The following SMARCB1 variants were observed in gnomAD, a reference collection of about 807,000 sequenced individuals.
The protein encoded by SMARCB1 is SWI/SNF-related matrix-associated actin-dependent regulator of chromatin subfamily B member 1.
SMARCB1 carries 5 observed loss-of-function variants against 49.0 expected under a neutral mutation model. The observed-to-expected ratio is 0.10, with a 90% CI of 0.05 to 0.21. SMARCB1 has a LOEUF of 0.21. SMARCB1 is among the 10% of genes least tolerant of loss of function. The pLI is 1.00. For missense variants in SMARCB1, 226 were observed against 509.2 expected (o/e 0.44, Z 5.35); for synonymous variants, 201 against 200.1 (o/e 1.00, Z -0.04).
rs58056758 is a variant in SMARCB1 at position 23,822,957 on chromosome 22, C to CTTTTTTTTTTTT, written c.796-2238_796-2227dup. Among the ~76,000 whole-genome samples the CTTTTTTTTTTTT allele has an allele frequency of 2.7e-5, 2 of 72,764 alleles. 1 individual carries two copies. Among genetic ancestry groups the CTTTTTTTTTTTT allele is most frequent in the Non-Finnish European group, 5.4e-5 (2 of 37,374 alleles). The allele number at this position is 72,764 out of a possible 152,430, so 47.7% of individuals were successfully genotyped here. ...TCTGTCAGTGCCCCCACCAGCATAG[C>CTTTTTTTTTTTT]TTTTTTTTTTTTTTTTTTTTTTTTT... On this transcript the variant is annotated intron_variant, in intron 6 of 8. Transcript: ENST00000644036.
Position 23,836,968 on chromosome 22 carries a change from G to A in SMARCB1, c.*2788G>A, listed in dbSNP as rs778382348. On this transcript the variant is annotated 3_prime_UTR_variant, in exon 9 of 9. Transcript: ENST00000644036. ...GGGCATCCAGGAGCAGCTTTCTGTG[G>A]GGAGGGGCCCGTGTTGAGCACAGGC... The A allele has an allele frequency of 1.2e-6, 2 of 1,601,594 alleles. No individual in the cohort carries two copies. The highest frequency in any genetic ancestry group is 1.1e-5 in the South Asian group (1 of 89,478).
In SMARCB1 at chr22:23,836,892, G is replaced by T; in HGVS notation, c.*2712G>T. The T allele has an allele frequency of 6.7e-7, 1 of 1,484,240 alleles. No homozygotes were observed. The highest frequency in any genetic ancestry group is 1.4e-5 in the South Asian group (1 of 71,404). The allele number at this position is 1,484,240 out of a possible 1,614,324, so 91.9% of individuals were successfully genotyped here. ...GGTCACTGCTGCGGGGGTGGCAGATGGGGTCCTGGCTGTTCCTCAGGGAGG... is the reference window on the plus strand; with the variant it reads ...GGTCACTGCTGCGGGGGTGGCAGATTGGGTCCTGGCTGTTCCTCAGGGAGG... On this transcript the variant is annotated 3_prime_UTR_variant, in exon 9 of 9. Coordinates refer to ENST00000644036, the MANE Select transcript of SMARCB1 (RefSeq NM_003073.5).
intron 3 of SMARCB1, among the ~76,000 whole-genome samples, chr22:23,796,235 T>G (rs1466643364): frequency 3.3e-5 from 5 of 152,174 alleles, no homozygotes; most frequent in Non-Finnish European, 2.9e-5. Context: ...ACAGAGATTC[T>G]CTGTAGCATT....
Position 23,803,149 on chromosome 22 carries a change from C to T in SMARCB1, c.501-146C>T, listed in dbSNP as rs34017323. The T allele has an allele frequency of 1.7e-3, 1,807 of 1,053,554 alleles. 14 individuals carry two copies. The African/African-American group carries it at 0.019, about 11-fold the overall frequency. 65.3% of individuals were successfully genotyped at this position (1,053,554 alleles called of 1,614,324 possible). ...GTGGCCCCGGGACCCCTGCTAGCCT[C>T]GTCTGCTGCCTCAGCTGTTAGCTGA... is the stretch of plus-strand genomic sequence containing the variant. On this transcript the variant is annotated intron_variant, in intron 4 of 8. Transcript: ENST00000644036.
intron 6 of SMARCB1, among the ~76,000 whole-genome samples, chr22:23,820,565 C>CT (rs1223991203): frequency 6.6e-6 from 1 of 152,232 alleles, no homozygotes; most frequent in Non-Finnish European, 1.5e-5. Context: ...CAGCGAGACT[C>CT]TGACTCAGTC....
chr22:23,793,593 C>G lies in SMARCB1; in HGVS notation c.267C>G (p.Thr89=), dbSNP rs141275968. 1 of 1,613,962 alleles carries G rather than the reference C, an allele frequency of 6.2e-7. No homozygotes were observed. Among genetic ancestry groups the G allele is most frequent in the South Asian group, 1.1e-5 (1 of 91,068 alleles). Reference sequence around the variant, plus strand: ...ACACGACTCTAGCCACCAGTGTGACCCTGTTAAAAGCCTCGGAAGTGGAAG... The same window carrying G: ...ACACGACTCTAGCCACCAGTGTGACGCTGTTAAAAGCCTCGGAAGTGGAAG... ...HGYTTLATSV[T]LLKASEVEEI... Residue 89 remains threonine (T), a synonymous_variant, in exon 3 of 9, where the codon ACC becomes ACG. Coordinates refer to ENST00000644036, the MANE Select transcript of SMARCB1 (RefSeq NM_003073.5).
intron 4 of SMARCB1, chr22:23,801,378 G>A (rs1216333490): frequency 1.5e-6 from 1 of 674,804 alleles, no homozygotes; most frequent in Non-Finnish European, 2.7e-6. Context: ...TTTCACATGA[G>A]TGGGCCACAG....
At chr22:23,829,018 A>G (rs1014395841) in intron 7 of SMARCB1, among the ~76,000 whole-genome samples, 1 of 152,206 alleles carries the variant, frequency 6.6e-6, no homozygotes, top group African/African-American at 2.4e-5. Flanking sequence ...GGCGTCCCAG[A>G]GCCAGTGGAG....
intron 5 of SMARCB1, 29 bp downstream of exon 5, chr22:23,803,451 TG>T: frequency 6.2e-7 from 1 of 1,612,986 alleles, no homozygotes; most frequent in Non-Finnish European, 8.5e-7. Context: ...TGGCTGGGCC[TG>T]GCCCCAACCC....
At position 23,806,919 on chromosome 22, in the gene SMARCB1, CAAAA is replaced by C. The variant is rs61000279; in HGVS notation, c.628+3515_628+3518del. ...TGGGCGACAGAGTGAGACTCTATCTCAAAAAAAAAAAAAAAAAAAAAGGAATCAG... is the reference window on the plus strand; with the variant it reads ...TGGGCGACAGAGTGAGACTCTATCTCAAAAAAAAAAAAAAAAAGGAATCAG... On this transcript the variant is annotated intron_variant, in intron 5 of 8. Transcript: ENST00000644036. Among the ~76,000 whole-genome samples, 179 of 86,848 alleles carry C rather than the reference CAAAA, an allele frequency of 2.1e-3. 1 individual carries two copies. In the East Asian group the frequency reaches 0.022, roughly 11 times the overall value. The allele number at this position is 86,848 out of a possible 152,430, so 57.0% of individuals were successfully genotyped here. A position where few individuals can be genotyped will look rare whatever the true frequency, so the allele number is the denominator to read the frequency against.
Position 23,795,199 on chromosome 22 carries a change from G to A in SMARCB1, c.362+1511G>A, listed in dbSNP as rs35636837. On this transcript the variant is annotated intron_variant, in intron 3 of 8. Transcript: ENST00000644036. ...GCACTTTGGGAAGTCAAGGCAGGAGGATCGCTTGAGCCCACGATTTGACTG... is the reference window on the plus strand; with the variant it reads ...GCACTTTGGGAAGTCAAGGCAGGAGAATCGCTTGAGCCCACGATTTGACTG... 4.9e-3 allele frequency among the ~76,000 whole-genome samples: 749 copies of A among 152,106 alleles called. 7 individuals carry two copies. The highest frequency in any genetic ancestry group is 0.017 in the African/African-American group (700 of 41,492).
intron 5 of SMARCB1, among the ~76,000 whole-genome samples, chr22:23,811,748 C>A (rs1929880459): frequency 6.6e-6 from 1 of 152,162 alleles, no homozygotes; most frequent in African/African-American, 2.4e-5. Context: ...ACAGGAAAAG[C>A]TTTCCTCAAG....
chr22:23,837,697 G>C lies in SMARCB1; in HGVS notation c.*3517G>C. 3.7e-6 allele frequency: 6 copies of C among 1,613,870 alleles called. No individual in the cohort carries two copies. In the Middle Eastern group the frequency reaches 4.9e-4, roughly 133 times the overall value. ...GAGGATGGAGTTGCCCAGCAGCAGCGAGAAGCCCATGAGCGCCCAAGGCAG... is the reference window on the plus strand; with the variant it reads ...GAGGATGGAGTTGCCCAGCAGCAGCCAGAAGCCCATGAGCGCCCAAGGCAG... On this transcript the variant is annotated 3_prime_UTR_variant, in exon 9 of 9. Transcript: ENST00000644036.
rs748696435 is a variant in SMARCB1 at position 23,837,864 on chromosome 22, A to G, written c.*3684A>G. Reference sequence around the variant, plus strand: ...CCAGGAGTCCCAGCAGCTGGGCCAGAGTCAAGGTGCTCCGGTGCAGGCCTC... The same window carrying G: ...CCAGGAGTCCCAGCAGCTGGGCCAGGGTCAAGGTGCTCCGGTGCAGGCCTC... On this transcript the variant is annotated 3_prime_UTR_variant, in exon 9 of 9. Coordinates refer to ENST00000644036, the MANE Select transcript of SMARCB1 (RefSeq NM_003073.5). The G allele has an allele frequency of 5.6e-6, 9 of 1,608,296 alleles. No homozygotes were observed. The Admixed American group carries it at 8.4e-5, about 15-fold the overall frequency.
chr22:23,811,382 A>G (rs568035334), intron 5 of SMARCB1, among the ~76,000 whole-genome samples: 84 of 152,316 alleles, frequency 5.5e-4, no homozygotes, highest in African/African-American at 1.2e-3. Context: ...CAAAAACACT[A>G]TCGACCAACA....
chr22:23,836,837 A>G lies in SMARCB1; in HGVS notation c.*2657A>G, dbSNP rs1483428910. ...GGTCATGGGTAGGATGGAAGCTGCC[A>G]GAAGCCTCTTAGGCCTGGCCCTGGG... On this transcript the variant is annotated 3_prime_UTR_variant, in exon 9 of 9. Transcript: ENST00000644036. The G allele has an allele frequency of 1.4e-6, 2 of 1,438,952 alleles. No homozygotes were observed. The highest frequency in any genetic ancestry group is 1.8e-6 in the Non-Finnish European group (2 of 1,094,854). The allele number at this position is 1,438,952 out of a possible 1,614,324, so 89.1% of individuals were successfully genotyped here. A position where few individuals can be genotyped will look rare whatever the true frequency, so the allele number is the denominator to read the frequency against.
At chr22:23,792,117 T>C in intron 2 of SMARCB1, 5 of 566,186 alleles carry the variant, frequency 8.8e-6, no homozygotes, top group Non-Finnish European at 1.6e-5. Flanking sequence ...ATTGGGTATG[T>C]GAGCGGGCCG....
intron 1 of SMARCB1, among the ~76,000 whole-genome samples, chr22:23,789,272 C>T (rs904526023): frequency 3.9e-5 from 6 of 152,250 alleles, no homozygotes; most frequent in Non-Finnish European, 7.3e-5. Flanking sequence ...CCATCTGCCA[C>T]AGTTCAGAAT....
At position 23,836,850 on chromosome 22, in the gene SMARCB1, G is replaced by A. The variant is rs202246735; in HGVS notation, c.*2670G>A. On this transcript the variant is annotated 3_prime_UTR_variant, in exon 9 of 9. Transcript: ENST00000644036. ...ATGGAAGCTGCCAGAAGCCTCTTAG[G>A]CCTGGCCCTGGGTGGGGGTCACTGC... 24 of 1,453,036 alleles carry A rather than the reference G, an allele frequency of 1.7e-5. No individual in the cohort carries two copies. The African/African-American group carries it at 3.0e-4, about 18-fold the overall frequency. The allele number at this position is 1,453,036 out of a possible 1,614,324, so 90.0% of individuals were successfully genotyped here. A position where few individuals can be genotyped will look rare whatever the true frequency, so the allele number is the denominator to read the frequency against.
Sources: allele counts gnomAD v4.1 joint callset (sites outside exome capture counted in the v4.1 genomes callset), GRCh38; gene constraint gnomAD v4.1.1; transcripts MANE v1.5; gene names NCBI Gene and HGNC (gene_info 2026-07-23, HGNC 2026-07-21).